IMMP2L: variants seen among roughly 807,000 people sequenced by gnomAD.
IMMP2L encodes the protein inner mitochondrial membrane peptidase subunit 2.
A neutral mutation model predicts 19.3 loss-of-function variants in IMMP2L; 18 were observed. The observed-to-expected ratio is 0.93, with a 90% CI of 0.64 to 1.38. The LOEUF (loss-of-function observed/expected upper bound fraction) is 1.38. Among genes scored for constraint, IMMP2L ranks in the 40% most tolerant of loss-of-function variants. The pLI, the probability that IMMP2L is intolerant of heterozygous loss-of-function variation, is 0.00. For missense variants in IMMP2L, 233 were observed against 218.2 expected (o/e 1.07, Z -0.43); for synonymous variants, 76 against 73.0 (o/e 1.04, Z -0.21).
intron 5 of IMMP2L, among the ~76,000 whole-genome samples, chr7:110,739,795 T>C (rs966993676): frequency 3.9e-5 from 6 of 152,156 alleles, no homozygotes; most frequent in Non-Finnish European, 8.8e-5. Flanking sequence ...TTCTCCAGGA[T>C]AGACCATATC....
At chr7:111,144,526 A>G (rs1803263189) in intron 3 of IMMP2L, among the ~76,000 whole-genome samples, 1 of 152,272 alleles carries the variant, frequency 6.6e-6, no homozygotes, top group African/African-American at 2.4e-5. Context: ...CAGAAGTGAC[A>G]GGATCATCCT....
chr7:110,947,811 G>T (rs1440692351), intron 4 of IMMP2L, among the ~76,000 whole-genome samples: 1 of 152,194 alleles, frequency 6.6e-6, no homozygotes, highest in African/African-American at 2.4e-5. Context: ...AATTTTCACT[G>T]TCTGCTCCTG....
intron 3 of IMMP2L, among the ~76,000 whole-genome samples, chr7:110,973,409 CTG>C (rs1820357956): frequency 6.6e-6 from 1 of 152,056 alleles, no homozygotes; most frequent in Non-Finnish European, 1.5e-5. Context: ...ATATCTCAAC[CTG>C]TGATGCATCC....
rs1438570847 is a variant in IMMP2L, at chr7:111,475,248, T to A, written c.239+11990A>T. Among the ~76,000 whole-genome samples, 3 of 151,972 alleles carry A rather than the reference T, an allele frequency of 2.0e-5. 1 individual carries two copies. Among genetic ancestry groups the A allele is most frequent in the South Asian group, 4.2e-4 (2 of 4,816 alleles). ...GTTTCTCCTTAATGGAAATAAACAA[T>A]TTTTTTAAAAGGCATTCCTGTTCTC... On this transcript the variant is annotated intron_variant, in intron 3 of 5. Transcript: ENST00000405709.
intron 2 of IMMP2L, among the ~76,000 whole-genome samples, chr7:111,496,782 G>A (rs1843633103): frequency 6.6e-6 from 1 of 151,996 alleles, no homozygotes; most frequent in African/African-American, 2.4e-5. Context: ...CTTCAGACTT[G>A]GACTGAGCCA....
intron 3 of IMMP2L, among the ~76,000 whole-genome samples, chr7:111,430,278 G>A (rs1836497730): frequency 6.6e-6 from 1 of 151,664 alleles, no homozygotes; most frequent in Non-Finnish European, 1.5e-5. Context: ...TATGCCTCCT[G>A]AATAACCTAA....
intron 3 of IMMP2L, among the ~76,000 whole-genome samples, chr7:110,997,215 T>C (rs528332503): frequency 7.9e-5 from 12 of 152,298 alleles, no homozygotes; most frequent in Admixed American, 7.2e-4. Context: ...GTTTGTTGCA[T>C]ATATCAATAG....
chr7:110,809,613 T>C (rs1186802134), intron 5 of IMMP2L, among the ~76,000 whole-genome samples: 1 of 152,032 alleles, frequency 6.6e-6, no homozygotes, highest in Non-Finnish European at 1.5e-5. Context: ...TATTACTTTA[T>C]GTAAAATACA....
At chr7:111,418,491 GACCTA>G (rs1835159042) in intron 3 of IMMP2L, among the ~76,000 whole-genome samples, 2 of 151,550 alleles carry the variant, frequency 1.3e-5, no homozygotes, top group African/African-American at 4.9e-5. Context: ...GCTCACTCTG[GACCTA>G]ATCTGATATC....
chr7:111,451,219 C>G (rs975596595), intron 3 of IMMP2L, among the ~76,000 whole-genome samples: 1 of 109,770 alleles, frequency 9.1e-6, no homozygotes, highest in Non-Finnish European at 1.8e-5. Context: ...GGTATATACC[C>G]CCAAATGACT....
At chr7:110,904,830 C>T (rs894788229) in intron 4 of IMMP2L, among the ~76,000 whole-genome samples, 2 of 152,204 alleles carry the variant, frequency 1.3e-5, no homozygotes, top group Non-Finnish European at 2.9e-5. Flanking sequence ...GCCTGTTTTA[C>T]TTCTTAAGCA....
At chr7:111,310,197 C>T (rs1823356018) in intron 3 of IMMP2L, among the ~76,000 whole-genome samples, 2 of 149,300 alleles carry the variant, frequency 1.3e-5, no homozygotes, top group Non-Finnish European at 3.0e-5. Flanking sequence ...ATCACCACTG[C>T]ACTCAAGCCT....
chr7:111,379,991 AAAGT>A (rs1831044322), intron 3 of IMMP2L, among the ~76,000 whole-genome samples: 1 of 152,002 alleles, frequency 6.6e-6, no homozygotes, highest in Non-Finnish European at 1.5e-5. Context: ...ATAAAAATCA[AAAGT>A]AAGTTACTAG....
chr7:110,882,336 C>G (rs1268483163), intron 5 of IMMP2L, among the ~76,000 whole-genome samples: 1 of 144,118 alleles, frequency 6.9e-6, no homozygotes, highest in Non-Finnish European at 1.5e-5. Context: ...TTCCTTCCTT[C>G]CTTCCCTCCT....
At chr7:111,083,526 C>T (rs756254364) in intron 3 of IMMP2L, among the ~76,000 whole-genome samples, 4 of 152,114 alleles carry the variant, frequency 2.6e-5, no homozygotes, top group African/African-American at 7.2e-5. Flanking sequence ...GAGAGGAGAA[C>T]GAGGGCCTCA....
intron 2 of IMMP2L, among the ~76,000 whole-genome samples, chr7:111,515,543 C>T (rs1469550193): frequency 1.3e-5 from 2 of 152,172 alleles, no homozygotes; most frequent in Non-Finnish European, 2.9e-5. Flanking sequence ...TGTATACTTA[C>T]TGCCCTGGAA....
intron 1 of IMMP2L, among the ~76,000 whole-genome samples, chr7:111,553,812 G>A (rs955809957): frequency 2.0e-5 from 3 of 152,116 alleles, no homozygotes; most frequent in Non-Finnish European, 4.4e-5. Flanking sequence ...ACAGGACAAG[G>A]TAGCCAGCTC....
At chr7:111,493,479 G>C (rs915105566) in intron 2 of IMMP2L, among the ~76,000 whole-genome samples, 1 of 151,942 alleles carries the variant, frequency 6.6e-6, no homozygotes, top group Non-Finnish European at 1.5e-5. Flanking sequence ...AAGGTGGGTG[G>C]ATCACGAGGT....
rs761556733 is a variant in IMMP2L at position 111,142,325 on chromosome 7, C to CAA, written c.240-178762_240-178761dup. 6.4e-5 allele frequency among the ~76,000 whole-genome samples: 4 copies of CAA among 62,496 alleles called. 1 individual carries two copies. The highest frequency in any genetic ancestry group is 4.5e-4 in the East Asian group (1 of 2,210). The allele number at this position is 62,496 out of a possible 152,430, so 41.0% of individuals were successfully genotyped here. A position where few individuals can be genotyped will look rare whatever the true frequency, so the allele number is the denominator to read the frequency against. ...TGGGCAACAGGGTGAGACTCTGTCT[C>CAA]AAAAAAAAAAAAAAAAAAGAAAGAA... On this transcript the variant is annotated intron_variant, in intron 3 of 5. Transcript: ENST00000405709.
Sources: allele counts gnomAD v4.1 joint callset (sites outside exome capture counted in the v4.1 genomes callset), GRCh38; gene constraint gnomAD v4.1.1; transcripts MANE v1.5; gene names NCBI Gene and HGNC (gene_info 2026-07-23, HGNC 2026-07-21).